PRSS12: variants seen among roughly 807,000 people sequenced by gnomAD.
PRSS12 encodes serine protease 12, also known as neurotrypsin.
Under a neutral mutation model 104.4 loss-of-function variants are expected in PRSS12, and 85 were observed. The ratio of observed to expected loss-of-function variants is 0.81; its 90% confidence interval spans 0.68 to 0.98. PRSS12 has a LOEUF of 0.98. Among genes scored for constraint, PRSS12 ranks in the 50% least tolerant of loss-of-function variants. The pLI is 0.00. For missense variants in PRSS12, 1,141 were observed against 1,139.2 expected (o/e 1.00, Z -0.02); for synonymous variants, 454 against 425.2 (o/e 1.07, Z -0.83).
rs561516613 is a variant in PRSS12 at position 118,314,332 on chromosome 4, AAATTT to A, written c.1293-940_1293-936del. Among the ~76,000 whole-genome samples the A allele has an allele frequency of 2.9e-4, 44 of 152,250 alleles. No homozygotes were observed. In the South Asian group the frequency reaches 8.7e-3, roughly 30 times the overall value. On this transcript the variant is annotated intron_variant, in intron 6 of 12. Coordinates refer to ENST00000296498, the MANE Select transcript of PRSS12 (RefSeq NM_003619.4). ...TTCTTTTTTTATGCAAGTATTTATT[AAATTT>A]ATTTGACAAAATGAATATTTTAATA... is the stretch of plus-strand genomic sequence containing the variant.
chr4:118,334,375 A>G (rs1046003352), intron 3 of PRSS12, among the ~76,000 whole-genome samples: 1 of 152,182 alleles, frequency 6.6e-6, no homozygotes. Flanking sequence ...ACATTTTATC[A>G]ATCAGGTTGA....
In PRSS12 at chr4:118,325,041, G is replaced by A. The variant is rs114758558; in HGVS notation, c.972-6485C>T. Among the ~76,000 whole-genome samples the A allele has an allele frequency of 9.7e-3, 1,477 of 152,134 alleles. 25 individuals carry two copies. Among genetic ancestry groups the A allele is most frequent in the African/African-American group, 0.033 (1,391 of 41,542 alleles). ...TTTCATGGCTACATGGTATCCTATGGTATACACATGCCAATATCTCTTTAT... is the reference window on the plus strand; with the variant it reads ...TTTCATGGCTACATGGTATCCTATGATATACACATGCCAATATCTCTTTAT... On this transcript the variant is annotated intron_variant, in intron 4 of 12. Coordinates refer to ENST00000296498, the MANE Select transcript of PRSS12 (RefSeq NM_003619.4).
At chr4:118,294,752 G>A (rs1042450361) in intron 11 of PRSS12, among the ~76,000 whole-genome samples, 187 bp downstream of exon 11, 3 of 152,094 alleles carry the variant, frequency 2.0e-5, no homozygotes, top group African/African-American at 7.2e-5. Context: ...TAACACCAGG[G>A]TAGCAAGTGG....
chr4:118,340,030 A>G (rs1369617265), intron 1 of PRSS12, among the ~76,000 whole-genome samples: 1 of 152,350 alleles, frequency 6.6e-6, no homozygotes, highest in East Asian at 1.9e-4. Context: ...ACATTAAGTG[A>G]TCATAAGATT....
intron 3 of PRSS12, among the ~76,000 whole-genome samples, chr4:118,334,094 T>C (rs1426521295): frequency 6.6e-6 from 1 of 152,182 alleles, no homozygotes; most frequent in Non-Finnish European, 1.5e-5. Flanking sequence ...CACTATCCCT[T>C]AAGGTGAACT....
chr4:118,294,311 C>T (rs1743201446), intron 11 of PRSS12, among the ~76,000 whole-genome samples: 3 of 152,048 alleles, frequency 2.0e-5, no homozygotes, highest in Non-Finnish European at 4.4e-5. Context: ...GAGGAAAGGG[C>T]CATTAACCAA....
chr4:118,298,803 G>C lies in PRSS12; in HGVS notation c.1767C>G (p.Cys589Trp), dbSNP rs747577971. 1 of 1,614,060 alleles carries C rather than the reference G, an allele frequency of 6.2e-7. No homozygotes were observed. Among genetic ancestry groups the C allele is most frequent in the South Asian group, 1.1e-5 (1 of 91,084 alleles). The change falls in exon 9 of 13, where the codon TGC (cysteine) becomes TGG (tryptophan). Residue 589 changes from cysteine to tryptophan, a missense_variant. Transcript: ENST00000296498. Reference sequence around the variant, plus strand: ...TAACTCCTGCATCTTCACTGTGGCGGCAGTTGTGTCTTCCAATATCTTGCT... The same window carrying C: ...TAACTCCTGCATCTTCACTGTGGCGCCAGTTGTGTCTTCCAATATCTTGCT... ...CIKQDIGRHN[C>W]RHSEDAGVIC...
chr4:118,299,808 T>TAAATA (rs200327301), intron 8 of PRSS12, among the ~76,000 whole-genome samples: 23,419 of 88,486 alleles, frequency 0.26, 5,168 homozygotes, highest in Middle Eastern at 0.4. Flanking sequence ...TAAAATAAAA[T>TAAATA]AAATAAAATA....
In PRSS12 at chr4:118,294,981, A is replaced by C; in HGVS notation, c.1997T>G (p.Leu666Arg). 1.2e-6 allele frequency: 2 copies of C among 1,614,158 alleles called. No homozygotes were observed. The highest frequency in any genetic ancestry group is 1.7e-6 in the Non-Finnish European group (2 of 1,180,014). The change falls in exon 11 of 13, where the codon CTG becomes CGG. Residue 666 changes from leucine to arginine, a missense_variant. Leu to Arg is a moderately radical substitution (Grantham distance 102, BLOSUM62 -2). Coordinates refer to ENST00000296498, the MANE Select transcript of PRSS12 (RefSeq NM_003619.4). ...TGCTGTGAGGACCCAGCAGCTACTCAGGAGCGTAGCCCCGCAGAGGAGCCT... is the reference window on the plus strand; with the variant it reads ...TGCTGTGAGGACCCAGCAGCTACTCCGGAGCGTAGCCCCGCAGAGGAGCCT... Reference protein sequence around the residue: ...DGRLLCGATLLSSCWVLTAAH... With the variant: ...DGRLLCGATLRSSCWVLTAAH...
At chr4:118,334,624 A>G (rs1219985639) in intron 3 of PRSS12, among the ~76,000 whole-genome samples, 1 of 152,052 alleles carries the variant, frequency 6.6e-6, no homozygotes, top group Non-Finnish European at 1.5e-5. Flanking sequence ...TGGCTCTTCC[A>G]GCCAATCCAG....
chr4:118,304,888 T>G (rs1743503598), intron 8 of PRSS12, among the ~76,000 whole-genome samples: 1 of 151,522 alleles, frequency 6.6e-6, no homozygotes, highest in Non-Finnish European at 1.5e-5. Flanking sequence ...ATTTTGATTC[T>G]CAGTATTTCC....
intron 4 of PRSS12, among the ~76,000 whole-genome samples, chr4:118,330,712 G>A (rs1723896525): frequency 5.3e-5 from 8 of 152,174 alleles, no homozygotes; most frequent in Admixed American, 5.2e-4. Context: ...TTGTGATAAT[G>A]ATAATTTGGC....
At chr4:118,302,940 G>A (rs1437532832) in intron 8 of PRSS12, among the ~76,000 whole-genome samples, 4 of 151,680 alleles carry the variant, frequency 2.6e-5, no homozygotes, top group South Asian at 2.1e-4. Flanking sequence ...AATTCAAATC[G>A]GCATAATTTG....
chr4:118,304,719 C>T lies in PRSS12; in HGVS notation c.1631+3717G>A, dbSNP rs527322176. 2.0e-5 allele frequency among the ~76,000 whole-genome samples: 3 copies of T among 152,098 alleles called. No homozygotes were observed. In the East Asian group the frequency reaches 5.8e-4, roughly 29 times the overall value. On this transcript the variant is annotated intron_variant, in intron 8 of 12. Transcript: ENST00000296498. ...CTATCAACAATCTACGAACAATATG[C>T]TCATATGCTAGACTTTGTCAGACAT...
intron 1 of PRSS12, among the ~76,000 whole-genome samples, chr4:118,338,781 G>A (rs1029391039): frequency 6.6e-6 from 1 of 152,144 alleles, no homozygotes; most frequent in Non-Finnish European, 1.5e-5. Flanking sequence ...TTCTGCATAT[G>A]AATTAGCTGT....
At position 118,313,187 on chromosome 4, in the gene PRSS12, C is replaced by T; in HGVS notation, c.1489+14G>A. The T allele has an allele frequency of 6.2e-7, 1 of 1,612,044 alleles. No homozygotes were observed. Among genetic ancestry groups the T allele is most frequent in the Non-Finnish European group, 8.5e-7 (1 of 1,179,628 alleles). Reference sequence around the variant, plus strand: ...CTGAATGATGGAAACTTGAGAGCTGCAGCCAGTCCTCACCCAGAGAGAGCC... The same window carrying T: ...CTGAATGATGGAAACTTGAGAGCTGTAGCCAGTCCTCACCCAGAGAGAGCC... On this transcript the variant is annotated intron_variant, in intron 7 of 12. Transcript: ENST00000296498.
At chr4:118,305,869 T>C (rs1743536066) in intron 8 of PRSS12, 1 of 152,184 alleles carries the variant, frequency 6.6e-6, no homozygotes, top group Non-Finnish European at 1.5e-5. Context: ...AGTTTGACTA[T>C]TTTCGATATC....
At chr4:118,342,910 T>C (rs1038307199) in intron 1 of PRSS12, among the ~76,000 whole-genome samples, 2 of 152,206 alleles carry the variant, frequency 1.3e-5, no homozygotes, top group Admixed American at 1.3e-4. Context: ...AAAAGGTTCA[T>C]GTAACAGAAA....
chr4:118,299,755 T>A (rs376770550), intron 8 of PRSS12, among the ~76,000 whole-genome samples: 8 of 81,324 alleles, frequency 9.8e-5, no homozygotes, highest in Admixed American at 1.4e-4. Context: ...ATAAATAAAA[T>A]AAATAAAATT....
Sources: gnomAD v4.1 joint callset for allele counts (sites outside exome capture counted in the v4.1 genomes callset) on GRCh38, gnomAD v4.1.1 for gene constraint, MANE v1.5 for transcripts, NCBI Gene and HGNC (gene_info 2026-07-23, HGNC 2026-07-21) for gene names.